Variants in SDK1 observed in about 807,000 individuals in gnomAD.
SDK1 encodes protein sidekick-1.
In SDK1, 157 loss-of-function variants were observed where a neutral mutation model predicts 245.5. The observed-to-expected ratio is 0.64, with a 90% confidence interval of 0.56 to 0.73. SDK1 has a LOEUF of 0.73. SDK1 is among the 30% of genes least tolerant of loss of function. The probability of loss-of-function intolerance (pLI) is 0.00; values close to 1 mark genes in which losing one functional copy is unlikely to be tolerated. For missense variants in SDK1, 3,583 were observed against 3,002.3 expected (o/e 1.19, Z -4.52); for synonymous variants, 1,647 against 1,278.5 (o/e 1.29, Z -6.15).
At chr7:3,772,323 T>C (rs897745322) in intron 4 of SDK1, among the ~76,000 whole-genome samples, 5 of 152,190 alleles carry the variant, frequency 3.3e-5, no homozygotes, top group Admixed American at 3.3e-4. Flanking sequence ...TAAAGTCAAA[T>C]ACTCTTAATT....
At chr7:3,405,773 G>A (rs190905886) in intron 1 of SDK1, among the ~76,000 whole-genome samples, 1 of 149,928 alleles carries the variant, frequency 6.7e-6, no homozygotes, top group East Asian at 2.0e-4. Context: ...CTGCTTCAGT[G>A]TAGTTCTGTT....
At chr7:3,307,775 G>A (rs1779454701) in intron 1 of SDK1, among the ~76,000 whole-genome samples, 1 of 152,124 alleles carries the variant, frequency 6.6e-6, no homozygotes, top group African/African-American at 2.4e-5. Flanking sequence ...TAACTACTGT[G>A]CAATATGAGG....
At chr7:3,533,046 A>G (rs764212269) in intron 1 of SDK1, among the ~76,000 whole-genome samples, 3 of 152,236 alleles carry the variant, frequency 2.0e-5, no homozygotes, top group African/African-American at 2.4e-5. Flanking sequence ...AAACAGTCCA[A>G]TTATTCTATC....
At chr7:3,356,529 T>C (rs1222122685) in intron 1 of SDK1, among the ~76,000 whole-genome samples, 1 of 152,142 alleles carries the variant, frequency 6.6e-6, no homozygotes, top group Non-Finnish European at 1.5e-5. Context: ...TTGCTTACCA[T>C]TGGATTTTAG....
chr7:3,849,701 G>T (rs570896929), intron 5 of SDK1, among the ~76,000 whole-genome samples: 5 of 152,310 alleles, frequency 3.3e-5, no homozygotes, highest in Middle Eastern at 3.4e-3. Context: ...TTTGATAATA[G>T]ATTGGAATGT....
intron 5 of SDK1, among the ~76,000 whole-genome samples, chr7:3,926,496 T>C (rs549981519): frequency 2.0e-5 from 3 of 152,306 alleles, no homozygotes; most frequent in Middle Eastern, 3.4e-3. Context: ...GATCTCGCTC[T>C]TTCACCCAGT....
At chr7:4,074,705 T>A (rs1236704920) in intron 20 of SDK1, among the ~76,000 whole-genome samples, 1 of 151,136 alleles carries the variant, frequency 6.6e-6, no homozygotes, top group Non-Finnish European at 1.5e-5. Flanking sequence ...CTACAAAAAA[T>A]TTTAAAAACT....
intron 14 of SDK1, among the ~76,000 whole-genome samples, chr7:3,993,971 G>A (rs1784528322): frequency 6.6e-6 from 1 of 152,104 alleles, no homozygotes; most frequent in South Asian, 2.1e-4. Flanking sequence ...CTTGTTCCCA[G>A]GACTTGGCTT....
At chr7:3,936,479 G>A (rs963673326) in intron 5 of SDK1, among the ~76,000 whole-genome samples, 1 of 152,044 alleles carries the variant, frequency 6.6e-6, no homozygotes, top group Non-Finnish European at 1.5e-5. Context: ...CAGCTACTCG[G>A]GAGGCTGAGG....
chr7:4,193,724 G>A (rs1783373763), intron 35 of SDK1, among the ~76,000 whole-genome samples: 2 of 152,114 alleles, frequency 1.3e-5, no homozygotes, highest in Non-Finnish European at 2.9e-5. Context: ...CTCTACAGGA[G>A]TGAAGACTCT....
chr7:3,341,228 C>T (rs575312171), intron 1 of SDK1, among the ~76,000 whole-genome samples: 1 of 152,282 alleles, frequency 6.6e-6, no homozygotes, highest in Non-Finnish European at 1.5e-5. Flanking sequence ...AAAATCTATG[C>T]CACCCACCAT....
intron 1 of SDK1, among the ~76,000 whole-genome samples, chr7:3,552,876 A>G (rs887418879): frequency 1.3e-5 from 2 of 152,236 alleles, no homozygotes; most frequent in African/African-American, 2.4e-5. Flanking sequence ...TTACTGTTGC[A>G]TAATTATGCT....
intron 1 of SDK1, among the ~76,000 whole-genome samples, chr7:3,422,632 C>A (rs1433201626): frequency 6.6e-6 from 1 of 152,102 alleles, no homozygotes; most frequent in Non-Finnish European, 1.5e-5. Flanking sequence ...ATCACACACA[C>A]CCAGAAAACA....
chr7:3,333,828 G>A (rs1301085865), intron 1 of SDK1, among the ~76,000 whole-genome samples: 1 of 152,172 alleles, frequency 6.6e-6, no homozygotes, highest in Non-Finnish European at 1.5e-5. Flanking sequence ...AGGGTACTTA[G>A]AAACGCTCCT....
chr7:4,154,066 C>G (rs559057379), intron 30 of SDK1, among the ~76,000 whole-genome samples: 3 of 152,254 alleles, frequency 2.0e-5, no homozygotes, highest in Non-Finnish European at 2.9e-5. Flanking sequence ...AGATGCTCAG[C>G]ACTCATCCAT....
chr7:3,845,146 C>G (rs557379796), intron 5 of SDK1, among the ~76,000 whole-genome samples: 2 of 152,220 alleles, frequency 1.3e-5, no homozygotes, highest in South Asian at 4.2e-4. Context: ...TGGGCCACTT[C>G]AGCCTGGAGG....
rs1037435510 is a variant in SDK1 at position 3,733,871 on chromosome 7, A to G, written c.714-87579A>G. ...CTTCCAGATCTGAACAGAATCGCAC[A>G]TAAGAATCACCTAGGAAGCCTGTTC... On this transcript the variant is annotated intron_variant, in intron 4 of 44. Coordinates refer to ENST00000404826, the MANE Select transcript of SDK1 (RefSeq NM_152744.4). Among the ~76,000 whole-genome samples, 6 of 152,202 alleles carry G rather than the reference A, an allele frequency of 3.9e-5. No individual in the cohort carries two copies. In the East Asian group the frequency reaches 5.8e-4, roughly 15 times the overall value.
chr7:3,411,619 G>T (rs6959573), intron 1 of SDK1, among the ~76,000 whole-genome samples: 49,972 of 151,950 alleles, frequency 0.33, 11,338 homozygotes, highest in African/African-American at 0.65. Flanking sequence ...ATGCAATACG[G>T]GCACTGACAT....
chr7:3,963,546 T>C (rs1297048986), intron 9 of SDK1, among the ~76,000 whole-genome samples: 127 of 33,644 alleles, frequency 3.8e-3, no homozygotes, highest in South Asian at 7.2e-3. Context: ...AGCTACCTGA[T>C]CTGGACGTAT....
Sources: allele counts gnomAD v4.1 joint callset (sites outside exome capture counted in the v4.1 genomes callset), GRCh38; gene constraint gnomAD v4.1.1; transcripts MANE v1.5; gene names NCBI Gene and HGNC (gene_info 2026-07-23, HGNC 2026-07-21).